SAMD3: variants seen among roughly 807,000 people sequenced by gnomAD.
SAMD3 encodes sterile alpha motif domain containing 3, also known as sterile alpha motif domain-containing protein 3.
A neutral mutation model predicts 58.5 loss-of-function variants in SAMD3; 63 were observed. The observed-to-expected ratio is 1.08, with a 90% CI of 0.88 to 1.33. The LOEUF (loss-of-function observed/expected upper bound fraction) is 1.33. Among genes scored for constraint, SAMD3 ranks in the 40% most tolerant of loss-of-function variants. The probability of loss-of-function intolerance (pLI) is 0.00; values close to 1 mark genes in which losing one functional copy is unlikely to be tolerated. For missense variants in SAMD3, 604 were observed against 608.4 expected (o/e 0.99, Z 0.08); for synonymous variants, 220 against 210.3 (o/e 1.05, Z -0.40).
At chr6:130,224,357 G>T (rs1403063803), upstream of SAMD3, among the ~76,000 whole-genome samples, 1 of 151,876 alleles carries the variant, frequency 6.6e-6, no homozygotes, top group Non-Finnish European at 1.5e-5. Flanking sequence ...ACGTCCATGG[G>T]TACAGGCCTG....
intron 1 of SAMD3, among the ~76,000 whole-genome samples, chr6:130,337,047 C>T (rs1439445177): frequency 1.3e-5 from 2 of 152,272 alleles, no homozygotes; most frequent in East Asian, 1.9e-4. Context: ...TCAGCAGTAC[C>T]GTTTGCACTG....
intron 5 of SAMD3, among the ~76,000 whole-genome samples, chr6:130,204,466 G>A (rs1794904573): frequency 6.6e-6 from 1 of 152,060 alleles, no homozygotes; most frequent in Admixed American, 6.6e-5. Flanking sequence ...AATTAGCAGT[G>A]TGTGGCAGTG....
rs1390391384 is a variant in SAMD3, at chr6:130,351,340, CA to C, written c.-304+13779del. ...GCAATCTACTCGTCTGACAAAGGGC[CA>C]ATATCCAGAATCTTCAATGAACTCC... On this transcript the variant is annotated intron_variant, in intron 1 of 13. Coordinates refer to the SAMD3 transcript ENST00000368134. Among the ~76,000 whole-genome samples the C allele has an allele frequency of 2.6e-5, 4 of 152,004 alleles. No homozygotes were observed. The South Asian group carries it at 6.3e-4, about 24-fold the overall frequency.
At chr6:130,303,129 G>T (rs975632278) in intron 2 of SAMD3, among the ~76,000 whole-genome samples, 3 of 152,106 alleles carry the variant, frequency 2.0e-5, no homozygotes, top group African/African-American at 7.2e-5. Context: ...TGCCCTGGGG[G>T]ACTCTACTGA....
At chr6:130,336,874 A>G (rs1562528634) in intron 1 of SAMD3, among the ~76,000 whole-genome samples, 2 of 152,216 alleles carry the variant, frequency 1.3e-5, no homozygotes, top group African/African-American at 4.8e-5. Context: ...CTACACATGA[A>G]TCAATGTTTA....
chr6:130,205,998 C>T (rs976799182), intron 5 of SAMD3, among the ~76,000 whole-genome samples: 2 of 152,148 alleles, frequency 1.3e-5, no homozygotes, highest in African/African-American at 4.8e-5. Flanking sequence ...CACTTTGGCT[C>T]ACAGGGTTGG....
upstream of SAMD3, among the ~76,000 whole-genome samples, chr6:130,223,130 T>G (rs942787424): frequency 7.9e-5 from 12 of 152,202 alleles, no homozygotes; most frequent in Non-Finnish European, 1.3e-4. Flanking sequence ...CTTAGTTACC[T>G]TTTTTAAGCT....
At chr6:130,333,877 G>A (rs1472152727) in intron 1 of SAMD3, among the ~76,000 whole-genome samples, 1 of 152,158 alleles carries the variant, frequency 6.6e-6, no homozygotes, top group Non-Finnish European at 1.5e-5. Flanking sequence ...TTCTAAGGCT[G>A]CAGACTCTGG....
rs546202544 is a variant in SAMD3, at chr6:130,149,769, C to T, written c.1024-3588G>A. Among the ~76,000 whole-genome samples, 6 of 152,232 alleles carry T rather than the reference C, an allele frequency of 3.9e-5. No homozygotes were observed. The East Asian group carries it at 5.8e-4, about 15-fold the overall frequency. ...AAAACTACCTATCGGGTATTATGCC[C>T]GCTACCTGGGTGATGAAATAACCTG... On this transcript the variant is annotated intron_variant, in intron 9 of 11. Coordinates refer to ENST00000439090, the MANE Select transcript of SAMD3 (RefSeq NM_001017373.4).
At chr6:130,254,628 T>C (rs1362882631) in intron 2 of SAMD3, among the ~76,000 whole-genome samples, 1 of 150,830 alleles carries the variant, frequency 6.6e-6, no homozygotes, top group Non-Finnish European at 1.5e-5. Context: ...TATTGAATAC[T>C]GCTGTGAAGA....
intron 1 of SAMD3, among the ~76,000 whole-genome samples, chr6:130,350,741 C>T (rs2115035294): frequency 6.6e-6 from 1 of 152,138 alleles, no homozygotes; most frequent in East Asian, 1.9e-4. Flanking sequence ...CATATGGAAC[C>T]AAAAAAGAGC....
At chr6:130,175,167 T>G (rs1791605335) in intron 8 of SAMD3, among the ~76,000 whole-genome samples, 1 of 152,230 alleles carries the variant, frequency 6.6e-6, no homozygotes, top group Non-Finnish European at 1.5e-5. Flanking sequence ...GACATCCTTG[T>G]TAAAGAGTTC....
intron 9 of SAMD3, among the ~76,000 whole-genome samples, chr6:130,153,304 G>A (rs1358547282): frequency 6.6e-6 from 1 of 152,202 alleles, no homozygotes; most frequent in Non-Finnish European, 1.5e-5. Flanking sequence ...GAAAGCCACA[G>A]TATGGTTGCT....
chr6:130,167,815 A>G lies in SAMD3; in HGVS notation c.822+8026T>C, dbSNP rs191527873. On this transcript the variant is annotated intron_variant, in intron 8 of 11. Coordinates refer to ENST00000439090, the MANE Select transcript of SAMD3 (RefSeq NM_001017373.4). ...TGAGATTGGAAAGGCATTTTTAAACATTGCAAAATACCCGGCATTATGCAA... is the reference window on the plus strand; with the variant it reads ...TGAGATTGGAAAGGCATTTTTAAACGTTGCAAAATACCCGGCATTATGCAA... 3.3e-3 allele frequency among the ~76,000 whole-genome samples: 497 copies of G among 152,310 alleles called. 5 individuals are homozygous for G. The highest frequency in any genetic ancestry group is 0.017 in the Middle Eastern group (5 of 294).
intron 1 of SAMD3, among the ~76,000 whole-genome samples, chr6:130,339,207 C>T (rs548199430): frequency 2.0e-4 from 31 of 152,150 alleles, no homozygotes; most frequent in Admixed American, 7.9e-4. Context: ...CCACCACGCC[C>T]GGCTAATTTT....
intron 8 of SAMD3, 103 bp downstream of exon 8, chr6:130,175,731 TAAAAAGG>T: frequency 1.4e-6 from 1 of 723,244 alleles, no homozygotes; most frequent in Non-Finnish European, 2.1e-6. Flanking sequence ...CTTCAAATTT[TAAAAAGG>T]TATCTTATTT....
intron 5 of SAMD3, among the ~76,000 whole-genome samples, chr6:130,198,621 A>G (rs1241422715): frequency 1.3e-5 from 2 of 152,174 alleles, no homozygotes; most frequent in African/African-American, 4.8e-5. Context: ...CACCAAACCA[A>G]GTGGTGAGTG....
At chr6:130,315,180 G>A (rs1424884470) in intron 1 of SAMD3, among the ~76,000 whole-genome samples, 1 of 152,036 alleles carries the variant, frequency 6.6e-6, no homozygotes, top group Non-Finnish European at 1.5e-5. Context: ...AAAGTCAATA[G>A]AAAATACAGG....
At chr6:130,293,413 T>A (rs1044969938) in intron 2 of SAMD3, among the ~76,000 whole-genome samples, 2 of 152,152 alleles carry the variant, frequency 1.3e-5, no homozygotes, top group African/African-American at 4.8e-5. Context: ...CTCTAGTAAT[T>A]AAAAAACAGG....
Sources: allele counts gnomAD v4.1 joint callset (sites outside exome capture counted in the v4.1 genomes callset), GRCh38; gene constraint gnomAD v4.1.1; transcripts MANE v1.5; gene names NCBI Gene and HGNC (gene_info 2026-07-23, HGNC 2026-07-21).